Variants in AFF2 observed in about 807,000 individuals in gnomAD.
AFF2 encodes ALF transcription elongation factor 2.
In AFF2, 14 loss-of-function variants were observed where a neutral mutation model predicts 76.9. The observed-to-expected ratio is 0.18, with a 90% CI of 0.12 to 0.28. The LOEUF (loss-of-function observed/expected upper bound fraction) is 0.28. Ranked by LOEUF, AFF2 falls within the 10% of genes least tolerant of loss-of-function variation. The pLI, the probability that AFF2 is intolerant of heterozygous loss-of-function variation, is 1.00. For missense variants in AFF2, 868 were observed against 1,001.1 expected (o/e 0.87, Z 1.79); for synonymous variants, 398 against 366.7 (o/e 1.09, Z -0.98).
intron 19 of AFF2, among the ~76,000 whole-genome samples, chrX:148,982,976 G>A (rs782030197): frequency 8.9e-6 from 1 of 112,286 alleles, no homozygotes; most frequent in Admixed American, 9.4e-5. Context: ...TGAAATACAA[G>A]TCTATTGGTG....
intron 3 of AFF2, among the ~76,000 whole-genome samples, chrX:148,712,426 C>A (rs921898072): frequency 9.0e-6 from 1 of 111,512 alleles, no homozygotes; most frequent in African/African-American, 3.3e-5. Context: ...CTCAAGACAG[C>A]GAAGAAGGTC....
At chrX:148,643,375 G>A (rs1265510269) in intron 1 of AFF2, among the ~76,000 whole-genome samples, 1 of 111,898 alleles carries the variant, frequency 8.9e-6, no homozygotes, top group Non-Finnish European at 1.9e-5. Flanking sequence ...TCTTCAGGAA[G>A]TATTTTTATA....
intron 1 of AFF2, among the ~76,000 whole-genome samples, chrX:148,563,473 A>T (rs192935159): frequency 9.0e-6 from 1 of 111,481 alleles, no homozygotes; most frequent in Admixed American, 9.5e-5. Context: ...TGGAGTCCAC[A>T]GAAGTTACTG....
chrX:148,869,743 G>C (rs2070949614), intron 7 of AFF2, among the ~76,000 whole-genome samples: 2 of 112,006 alleles, frequency 1.8e-5, no homozygotes, highest in Non-Finnish European at 3.8e-5. Flanking sequence ...ACTTCCAGAT[G>C]TTAGAAGTCC....
intron 3 of AFF2, among the ~76,000 whole-genome samples, chrX:148,726,377 C>T (rs181861574): frequency 2.3e-4 from 26 of 111,983 alleles, no homozygotes; most frequent in African/African-American, 8.1e-4. Context: ...CCCAGGTGGG[C>T]AAAACAGTCT....
chrX:148,688,030 A>G (rs918587249), intron 3 of AFF2, among the ~76,000 whole-genome samples: 4 of 108,345 alleles, frequency 3.7e-5, no homozygotes, highest in Non-Finnish European at 5.8e-5. Context: ...ATCACCTACA[A>G]TCTCTCCCCC....
intron 8 of AFF2, among the ~76,000 whole-genome samples, chrX:148,901,183 G>T (rs2071350472): frequency 9.0e-6 from 1 of 111,428 alleles, no homozygotes; most frequent in African/African-American, 3.3e-5. Flanking sequence ...GGCAAATCTG[G>T]GACTAGAACC....
At chrX:148,822,704 GGTGTGTGTGTGTGTGT>G (rs36003565) in intron 4 of AFF2, among the ~76,000 whole-genome samples, 1 of 92,247 alleles carries the variant, frequency 1.1e-5, no homozygotes, top group Non-Finnish European at 2.2e-5. Flanking sequence ...ATTCCTCCAG[GGTGTGTGTGTGTGTGT>G]GTGTGTGTGT....
intron 8 of AFF2, 81 bp downstream of exon 8, chrX:148,886,066 C>T (rs150635614): frequency 4.4e-5 from 32 of 726,013 alleles, no homozygotes; most frequent in African/African-American, 1.7e-4. Flanking sequence ...CTTTGACATG[C>T]GCAAACTTCC....
chrX:148,839,206 TTTCTG>T (rs2070566428), intron 5 of AFF2, among the ~76,000 whole-genome samples: 2 of 112,331 alleles, frequency 1.8e-5, no homozygotes, highest in Admixed American at 1.9e-4. Context: ...CAGTTTGCAT[TTTCTG>T]CCAATTATCT....
chrX:148,553,910 TC>T (rs1303003742), intron 1 of AFF2, among the ~76,000 whole-genome samples: 5 of 111,496 alleles, frequency 4.5e-5, no homozygotes, highest in Non-Finnish European at 9.4e-5. Context: ...GACATAGCCC[TC>T]CGACTAGAGG....
intron 9 of AFF2, among the ~76,000 whole-genome samples, chrX:148,911,676 A>C (rs912342459): frequency 8.9e-6 from 1 of 112,395 alleles, no homozygotes; most frequent in South Asian, 3.7e-4. Context: ...CATGAAACAC[A>C]AAATCGAGTG....
intron 9 of AFF2, among the ~76,000 whole-genome samples, chrX:148,935,193 G>A (rs1273753251): frequency 9.4e-6 from 1 of 106,295 alleles, no homozygotes; most frequent in Non-Finnish European, 1.9e-5. Context: ...CACACATAAT[G>A]GTGACAAAAG....
At chrX:148,789,975 C>A (rs1158543118) in intron 3 of AFF2, among the ~76,000 whole-genome samples, 2 of 110,708 alleles carry the variant, frequency 1.8e-5, no homozygotes, top group African/African-American at 6.6e-5. Context: ...TATGGGTCAC[C>A]CCTCTTCTTT....
intron 9 of AFF2, among the ~76,000 whole-genome samples, chrX:148,952,449 GCCCCGAGCACT>G (rs1401713624): frequency 5.4e-5 from 6 of 111,381 alleles, no homozygotes; most frequent in Non-Finnish European, 1.1e-4. Flanking sequence ...AGACAAACAG[GCCCCGAGCACT>G]CCCCTCCCCA....
intron 1 of AFF2, among the ~76,000 whole-genome samples, chrX:148,522,471 C>A (rs1266487045): frequency 1.8e-5 from 2 of 112,456 alleles, no homozygotes; most frequent in Non-Finnish European, 3.8e-5. Flanking sequence ...GTCTACAAAG[C>A]AATAGGGAAA....
intron 15 of AFF2, 139 bp downstream of exon 15, chrX:148,967,831 G>A (rs2072200292): frequency 2.0e-6 from 1 of 490,159 alleles, no homozygotes; most frequent in Admixed American, 3.8e-5. Flanking sequence ...CCTGACATAG[G>A]GAGATTTGAA....
intron 9 of AFF2, among the ~76,000 whole-genome samples, chrX:148,944,953 G>GTAA (rs782572847): frequency 8.9e-6 from 1 of 111,930 alleles, no homozygotes. Context: ...ACTGGAAGTA[G>GTAA]TAAGAGTATC....
At chrX:148,657,905 T>G (rs2054269283) in intron 2 of AFF2, among the ~76,000 whole-genome samples, 1 of 112,189 alleles carries the variant, frequency 8.9e-6, no homozygotes, top group Admixed American at 9.4e-5. Context: ...AAAAGAACAT[T>G]TAGTATGAAT....
Sources: gnomAD v4.1 joint callset for allele counts (sites outside exome capture counted in the v4.1 genomes callset) on GRCh38, gnomAD v4.1.1 for gene constraint, MANE v1.5 for transcripts, NCBI Gene and HGNC (gene_info 2026-07-23, HGNC 2026-07-21) for gene names.